THEMIS: variants seen among roughly 807,000 people sequenced by gnomAD.
The protein encoded by THEMIS is protein THEMIS.
THEMIS carries 37 observed loss-of-function variants against 52.6 expected under a neutral mutation model. The observed-to-expected ratio is 0.70, with a 90% confidence interval of 0.54 to 0.93. The LOEUF (loss-of-function observed/expected upper bound fraction) is 0.93. THEMIS is among the 40% of genes least tolerant of loss of function. The pLI is 0.00. For synonymous variants in THEMIS, 292 were observed against 272.7 expected, an observed-to-expected ratio of 1.07 and a Z score of -0.70; for missense variants, 808 against 763.1, an observed-to-expected ratio of 1.06 and a Z score of -0.69.
At chr6:127,778,050 C>G (rs903326043) in intron 4 of THEMIS, among the ~76,000 whole-genome samples, 5 of 152,052 alleles carry the variant, frequency 3.3e-5, no homozygotes, top group Non-Finnish European at 5.9e-5. Flanking sequence ...GGGTTGGTTT[C>G]CAGAATTTGG....
At chr6:127,756,241 A>G (rs1775822054) in intron 4 of THEMIS, among the ~76,000 whole-genome samples, 1 of 152,168 alleles carries the variant, frequency 6.6e-6, no homozygotes, top group Non-Finnish European at 1.5e-5. Context: ...TAATCTGTAG[A>G]TCAATGCCAC....
chr6:127,897,938 T>A (rs1371869651), intron 1 of THEMIS, among the ~76,000 whole-genome samples: 29 of 151,304 alleles, frequency 1.9e-4, no homozygotes, highest in Non-Finnish European at 1.5e-5. Context: ...TGGAATAACA[T>A]ACACTGAAAA....
chr6:127,890,689 G>A (rs2114468948), intron 1 of THEMIS, among the ~76,000 whole-genome samples: 1 of 152,020 alleles, frequency 6.6e-6, no homozygotes, highest in African/African-American at 2.4e-5. Flanking sequence ...AATATTACAT[G>A]TACCCCATAA....
chr6:127,753,265 A>G (rs1017971439), intron 4 of THEMIS, among the ~76,000 whole-genome samples: 1 of 152,062 alleles, frequency 6.6e-6, no homozygotes, highest in Non-Finnish European at 1.5e-5. Flanking sequence ...GGGACTGTAA[A>G]GACTCCATTA....
At chr6:127,911,787 T>G (rs180750497) in intron 1 of THEMIS, among the ~76,000 whole-genome samples, 1 of 151,366 alleles carries the variant, frequency 6.6e-6, no homozygotes, top group Admixed American at 6.6e-5. Context: ...AGAAGCCTTA[T>G]GGAGAACTTT....
At chr6:127,756,562 C>T (rs957609794) in intron 4 of THEMIS, among the ~76,000 whole-genome samples, 4 of 152,168 alleles carry the variant, frequency 2.6e-5, no homozygotes, top group African/African-American at 9.7e-5. Context: ...GCTGCATCAT[C>T]TATTATTTTT....
chr6:127,755,318 G>T (rs1180860256), intron 4 of THEMIS, among the ~76,000 whole-genome samples: 1 of 152,082 alleles, frequency 6.6e-6, no homozygotes, highest in Admixed American at 6.5e-5. Context: ...GGTTAGTTTG[G>T]CTTCCCAGCC....
At chr6:127,719,855 A>C (rs1335459060) in intron 4 of THEMIS, 32 bp from the exon 5 acceptor site, 8 of 1,604,778 alleles carry the variant, frequency 5.0e-6, no homozygotes, top group Non-Finnish European at 6.8e-6. Context: ...GTAAATTATC[A>C]GTCCAAAATA....
intron 2 of THEMIS, among the ~76,000 whole-genome samples, chr6:127,842,595 C>T (rs910852822): frequency 6.6e-6 from 1 of 151,838 alleles, no homozygotes; most frequent in African/African-American, 2.4e-5. Context: ...TTTCTATACG[C>T]CTTGGGAGCT....
Position 127,855,194 on chromosome 6 carries a change from A to G in THEMIS, c.92-6T>C, listed in dbSNP as rs764739800. On this transcript the variant is annotated splice_region_variant and splice_polypyrimidine_tract_variant and intron_variant, in intron 1 of 5. Coordinates refer to ENST00000368248, the MANE Select transcript of THEMIS (RefSeq NM_001010923.3). ...AAACATTTCATAAATAGAGCCTAAAAGGAAAGAAAAGTTAAAACAGCTTTT... is the reference window on the plus strand; with the variant it reads ...AAACATTTCATAAATAGAGCCTAAAGGGAAAGAAAAGTTAAAACAGCTTTT... 2 of 1,579,422 alleles carry G rather than the reference A, an allele frequency of 1.3e-6. No homozygotes were observed. The highest frequency in any genetic ancestry group is 1.9e-5 in the Admixed American group (1 of 52,104).
chr6:127,901,299 G>A (rs2114506338), upstream of THEMIS, among the ~76,000 whole-genome samples: 1 of 152,088 alleles, frequency 6.6e-6, no homozygotes, highest in East Asian at 1.9e-4. Flanking sequence ...GCAAAACTGA[G>A]GTCAGAGTTG....
intron 4 of THEMIS, among the ~76,000 whole-genome samples, chr6:127,750,601 G>C (rs1448067869): frequency 2.6e-5 from 4 of 151,734 alleles, no homozygotes; most frequent in African/African-American, 9.7e-5. Context: ...AGTCAAACTA[G>C]AACTTTTTAC....
chr6:127,871,995 C>CA (rs34388904), intron 1 of THEMIS, among the ~76,000 whole-genome samples: 30,646 of 151,718 alleles, frequency 0.2, 3,372 homozygotes, highest in South Asian at 0.4. Context: ...CAGCACACAT[C>CA]AAAAAAATAA....
intron 4 of THEMIS, among the ~76,000 whole-genome samples, chr6:127,804,534 T>C (rs1777637309): frequency 1.3e-5 from 2 of 152,202 alleles, no homozygotes; most frequent in Admixed American, 6.5e-5. Flanking sequence ...GGTGTTTTTA[T>C]TACAAAAGAT....
chr6:127,845,986 A>G (rs574114329), intron 2 of THEMIS, among the ~76,000 whole-genome samples: 46 of 152,068 alleles, frequency 3.0e-4, no homozygotes, highest in African/African-American at 7.2e-4. Context: ...GCCCAAATTC[A>G]AGGCTAAGCT....
chr6:127,838,157 T>C (rs926620267), intron 2 of THEMIS, among the ~76,000 whole-genome samples: 3 of 152,086 alleles, frequency 2.0e-5, no homozygotes, highest in Non-Finnish European at 4.4e-5. Flanking sequence ...AAGATGTAGA[T>C]GGAATTCAAA....
At chr6:127,853,394 G>T (rs147971326) in intron 2 of THEMIS, among the ~76,000 whole-genome samples, 3 of 151,778 alleles carry the variant, frequency 2.0e-5, no homozygotes, top group Non-Finnish European at 4.4e-5. Context: ...TTGCCACAGA[G>T]CAAACAAATC....
At chr6:127,741,525 G>T (rs2114278421) in intron 4 of THEMIS, among the ~76,000 whole-genome samples, 1 of 152,276 alleles carries the variant, frequency 6.6e-6, no homozygotes, top group Middle Eastern at 3.4e-3. Flanking sequence ...ATATATGACA[G>T]CTTCAGAATG....
Position 127,830,110 on chromosome 6 carries a change from A to T in THEMIS, c.251-176T>A, listed in dbSNP as rs114192983. 3.4e-3 allele frequency among the ~76,000 whole-genome samples: 511 copies of T among 152,268 alleles called. 2 individuals carry two copies. The highest frequency in any genetic ancestry group is 0.012 in the African/African-American group (485 of 41,554). On this transcript the variant is annotated intron_variant, in intron 2 of 5. Transcript: ENST00000368248. ...GTTCTTCTAGGTAAAATTATGAAGTATTGCTTATAGATCACTAGATCATAA... is the reference window on the plus strand; with the variant it reads ...GTTCTTCTAGGTAAAATTATGAAGTTTTGCTTATAGATCACTAGATCATAA...
Sources: gnomAD v4.1 joint callset for allele counts (sites outside exome capture counted in the v4.1 genomes callset) on GRCh38, gnomAD v4.1.1 for gene constraint, MANE v1.5 for transcripts, NCBI Gene and HGNC (gene_info 2026-07-23, HGNC 2026-07-21) for gene names.